The following DPYD variants were observed in gnomAD, a reference collection of about 807,000 sequenced individuals.
DPYD encodes dihydropyrimidine dehydrogenase [NADP(+)].
A neutral mutation model predicts 116.2 loss-of-function variants in DPYD; 109 were observed. That is an observed-to-expected ratio of 0.94 (90% CI 0.80 to 1.10). The LOEUF is 1.10. Ranked by LOEUF, DPYD falls within the 50% of genes least tolerant of loss-of-function variation. The pLI is 0.00. For synonymous variants in DPYD, 440 were observed against 432.0 expected, an observed-to-expected ratio of 1.02 and a Z score of -0.23; for missense variants, 1,302 against 1,254.5, an observed-to-expected ratio of 1.04 and a Z score of -0.57.
intron 18 of DPYD, among the ~76,000 whole-genome samples, chr1:97,287,537 G>C (rs893912115): frequency 6.6e-6 from 1 of 152,178 alleles, no homozygotes; most frequent in Non-Finnish European, 1.5e-5. Context: ...CAGAGGTGGA[G>C]CCTACAGAGG....
At chr1:97,409,973 GA>G (rs765379710) in intron 14 of DPYD, among the ~76,000 whole-genome samples, 5 of 151,926 alleles carry the variant, frequency 3.3e-5, no homozygotes, top group Non-Finnish European at 7.4e-5. Context: ...AGCTAAGGCA[GA>G]AGAATTGCTT....
intron 20 of DPYD, among the ~76,000 whole-genome samples, chr1:97,133,013 AG>A (rs1653452634): frequency 6.6e-6 from 1 of 152,062 alleles, no homozygotes; most frequent in Non-Finnish European, 1.5e-5. Flanking sequence ...GTGATGAAAA[AG>A]TAAGGCCTTA....
intron 3 of DPYD, among the ~76,000 whole-genome samples, chr1:97,758,376 A>T (rs1209855222): frequency 6.7e-6 from 1 of 148,858 alleles, no homozygotes; most frequent in Non-Finnish European, 1.5e-5. Context: ...AAAAAAAAAC[A>T]GTTTCATTTT....
intron 12 of DPYD, among the ~76,000 whole-genome samples, chr1:97,531,222 T>C (rs2102024348): frequency 6.6e-6 from 1 of 152,326 alleles, no homozygotes; most frequent in Middle Eastern, 3.4e-3. Flanking sequence ...TCCCATATGC[T>C]TCCTTCTAAG....
chr1:97,511,693 T>G (rs1278830082), intron 13 of DPYD, among the ~76,000 whole-genome samples: 1 of 151,944 alleles, frequency 6.6e-6, no homozygotes, highest in African/African-American at 2.4e-5. Flanking sequence ...ACAGGTTATA[T>G]TGCCTTAAAG....
intron 3 of DPYD, among the ~76,000 whole-genome samples, chr1:97,785,213 T>C (rs543840114): frequency 2.0e-5 from 3 of 152,284 alleles, no homozygotes; most frequent in South Asian, 2.1e-4. Flanking sequence ...ACAAAGTCCA[T>C]TGAACGTTTA....
rs77159691 is a variant in DPYD, at chr1:97,256,640, C to T, written c.2300-21646G>A. On this transcript the variant is annotated intron_variant, in intron 18 of 22. Coordinates refer to ENST00000370192, the MANE Select transcript of DPYD (RefSeq NM_000110.4). ...ACTGTGAGTCCATTAAACCTCTTTC[C>T]TGTATAAATTATCCAGTCTCAGGTA... 7.2e-5 allele frequency among the ~76,000 whole-genome samples: 11 copies of T among 152,168 alleles called. No homozygotes were observed. In the East Asian group the frequency reaches 2.1e-3, roughly 29 times the overall value.
At chr1:97,459,911 G>A (rs1676923552) in intron 13 of DPYD, among the ~76,000 whole-genome samples, 1 of 152,040 alleles carries the variant, frequency 6.6e-6, no homozygotes, top group South Asian at 2.1e-4. Flanking sequence ...TACATTATGT[G>A]AAAAACATAC....
intron 6 of DPYD, 64 bp from the exon 7 acceptor site, chr1:97,691,862 TA>T (rs1661026450): frequency 8.7e-6 from 11 of 1,270,496 alleles, no homozygotes; most frequent in Non-Finnish European, 1.0e-5. Context: ...TGACCAATCT[TA>T]AAAAAAGGTA....
intron 3 of DPYD, among the ~76,000 whole-genome samples, chr1:97,801,053 A>G (rs1187021372): frequency 1.3e-5 from 2 of 151,860 alleles, no homozygotes; most frequent in South Asian, 2.1e-4. Context: ...TATGGACTGA[A>G]TGTCTGTGCC....
At chr1:97,313,593 T>C (rs115602400) in intron 16 of DPYD, among the ~76,000 whole-genome samples, 1,520 of 151,662 alleles carry the variant, frequency 0.01, 11 homozygotes, top group Non-Finnish European at 0.016. Context: ...CCCAAGCACA[T>C]AGCCTTCTCT....
At chr1:97,283,778 G>A (rs1021332238) in intron 18 of DPYD, among the ~76,000 whole-genome samples, 16 of 151,920 alleles carry the variant, frequency 1.1e-4, no homozygotes, top group Non-Finnish European at 2.1e-4. Context: ...TTTATACTTC[G>A]TTTTTGCTAG....
rs539071676 is a variant in DPYD, at chr1:97,719,164, C to A, written c.483+2346G>T. ...AACACAAGATCCACCCCCAACCCTGCCAAAAAAAAAAAAAAAAAAAAAAAA... is the reference window on the plus strand; with the variant it reads ...AACACAAGATCCACCCCCAACCCTGACAAAAAAAAAAAAAAAAAAAAAAAA... On this transcript the variant is annotated intron_variant, in intron 5 of 22. Coordinates refer to ENST00000370192, the MANE Select transcript of DPYD (RefSeq NM_000110.4). 1.4e-4 allele frequency among the ~76,000 whole-genome samples: 13 copies of A among 90,438 alleles called. No homozygotes were observed. In the East Asian group the frequency reaches 3.1e-3, roughly 22 times the overall value. The allele number at this position is 90,438 out of a possible 152,430, so 59.3% of individuals were successfully genotyped here. A position where few individuals can be genotyped will look rare whatever the true frequency, so the allele number is the denominator to read the frequency against.
chr1:97,249,488 T>A (rs758986154), intron 18 of DPYD, among the ~76,000 whole-genome samples: 26 of 151,900 alleles, frequency 1.7e-4, no homozygotes, highest in Admixed American at 3.9e-4. Flanking sequence ...TAAATCTAAA[T>A]GTAAAACTTG....
intron 8 of DPYD, among the ~76,000 whole-genome samples, chr1:97,595,439 C>T (rs1654816726): frequency 6.6e-6 from 1 of 151,836 alleles, no homozygotes; most frequent in Non-Finnish European, 1.5e-5. Context: ...CACACATAAA[C>T]ATATATAACA....
intron 8 of DPYD, among the ~76,000 whole-genome samples, chr1:97,613,234 T>A (rs144581241): frequency 6.6e-6 from 1 of 152,146 alleles, no homozygotes; most frequent in African/African-American, 2.4e-5. Flanking sequence ...GAATGTAAAG[T>A]CTATTTGTAC....
At chr1:97,238,260 A>C (rs1662089988) in intron 18 of DPYD, among the ~76,000 whole-genome samples, 1 of 152,188 alleles carries the variant, frequency 6.6e-6, no homozygotes, top group Non-Finnish European at 1.5e-5. Context: ...TGAGATCCAA[A>C]AAATGAAGAA....
chr1:97,602,868 T>C (rs1571040958), intron 8 of DPYD, among the ~76,000 whole-genome samples: 1 of 152,018 alleles, frequency 6.6e-6, no homozygotes, highest in East Asian at 1.9e-4. Context: ...ATTGCAATAA[T>C]TGAAATTATA....
At chr1:97,542,724 C>A (rs145444581) in intron 12 of DPYD, among the ~76,000 whole-genome samples, 3 of 152,070 alleles carry the variant, frequency 2.0e-5, no homozygotes, top group Admixed American at 6.6e-5. Context: ...TTCTTACTTG[C>A]AAATTTAAAT....
Sources: allele counts gnomAD v4.1 joint callset (sites outside exome capture counted in the v4.1 genomes callset), GRCh38; gene constraint gnomAD v4.1.1; transcripts MANE v1.5; gene names NCBI Gene and HGNC (gene_info 2026-07-23, HGNC 2026-07-21).